IL17RA: variants seen among roughly 807,000 people sequenced by gnomAD.
IL17RA encodes interleukin 17 receptor A.
IL17RA carries 34 observed loss-of-function variants against 50.4 expected under a neutral mutation model. The ratio of observed to expected loss-of-function variants is 0.67; its 90% CI spans 0.51 to 0.90. IL17RA has a LOEUF of 0.90. IL17RA is among the 40% of genes least tolerant of loss of function. The pLI is 0.00. For missense variants in IL17RA, 1,276 were observed against 1,169.8 expected (o/e 1.09, Z -1.32); for synonymous variants, 585 against 510.4 (o/e 1.15, Z -1.97).
intron 1 of IL17RA, among the ~76,000 whole-genome samples, chr22:17,087,043 C>A (rs1009198087): frequency 1.3e-5 from 2 of 152,232 alleles, no homozygotes; most frequent in African/African-American, 4.8e-5. Context: ...TGTCTGCAGT[C>A]TCTCGTTCTC....
chr22:17,101,255 T>A (rs1039565794), intron 5 of IL17RA, among the ~76,000 whole-genome samples: 1 of 152,192 alleles, frequency 6.6e-6, no homozygotes, highest in African/African-American at 2.4e-5. Flanking sequence ...CCCATTTTTA[T>A]AATCTCCAGA....
At position 17,105,961 on chromosome 22, in the gene IL17RA, G is replaced by A. The variant is rs572837622; in HGVS notation, c.1045+7G>A. 66 of 1,611,796 alleles carry A rather than the reference G, an allele frequency of 4.1e-5. 1 individual carries two copies. In the Middle Eastern group the frequency reaches 6.3e-3, roughly 153 times the overall value. On this transcript the variant is annotated splice_region_variant and intron_variant, in intron 11 of 12. Transcript: ENST00000319363. Reference sequence around the variant, plus strand: ...ATGACCTGGAGGCTAGCTGGTAAGCGCTGGGGCTCTGGCTGTCCTGGAGTC... The same window carrying A: ...ATGACCTGGAGGCTAGCTGGTAAGCACTGGGGCTCTGGCTGTCCTGGAGTC...
At chr22:17,102,383 C>T in intron 7 of IL17RA, 81 bp downstream of exon 7, 11 of 1,507,430 alleles carry the variant, frequency 7.3e-6, no homozygotes, top group Non-Finnish European at 1.0e-5. Flanking sequence ...GCTGGTCTGA[C>T]AGAACCGCGT....
rs2061436060 is a variant in IL17RA at position 17,110,367 on chromosome 22, A to G, written c.*547A>G. ...AGAAAAATTAGCCGGGCATGGTGAC[A>G]CATGCCTGTAGTCCTAGCTACTTGG... On this transcript the variant is annotated 3_prime_UTR_variant, in exon 13 of 13. Transcript: ENST00000319363. 1 of 179,666 alleles carries G rather than the reference A, an allele frequency of 5.6e-6. No individual in the cohort carries two copies. Among genetic ancestry groups the G allele is most frequent in the East Asian group, 1.6e-4 (1 of 6,384 alleles). The allele number at this position is 179,666 out of a possible 1,614,324, so 11.1% of individuals were successfully genotyped here. A position where few individuals can be genotyped will look rare whatever the true frequency, so the allele number is the denominator to read the frequency against.
In IL17RA at chr22:17,102,050, G is replaced by C; in HGVS notation, c.598+7G>C. 1 of 1,614,236 alleles carries C rather than the reference G, an allele frequency of 6.2e-7. No homozygotes were observed. The highest frequency in any genetic ancestry group is 8.5e-7 in the Non-Finnish European group (1 of 1,180,044). Reference sequence around the variant, plus strand: ...ACGCCATGCATGAGCTCAGGTAACAGCTGGCCCGGGAGAGCTTTATTTGGA... The same window carrying C: ...ACGCCATGCATGAGCTCAGGTAACACCTGGCCCGGGAGAGCTTTATTTGGA... On this transcript the variant is annotated splice_region_variant and intron_variant, in intron 6 of 12. Coordinates refer to ENST00000319363, the MANE Select transcript of IL17RA (RefSeq NM_014339.7).
At chr22:17,101,145 C>T (rs2061389848) in intron 5 of IL17RA, among the ~76,000 whole-genome samples, 1 of 152,166 alleles carries the variant, frequency 6.6e-6, no homozygotes, top group African/African-American at 2.4e-5. Context: ...CCTCGAACTC[C>T]TGGGCTCATG....
chr22:17,109,251 G>A lies in IL17RA; in HGVS notation c.2032G>A (p.Val678Met). ...LVLAAEEGAL[V>M]AAVEPGPLAD... ...GCTCGCCGCAGAGGAGGGGGCCCTG[G>A]TGGCCGCGGTGGAGCCTGGGCCCCT... The change falls in exon 13 of 13, where the codon GTG becomes ATG. Residue 678 changes from valine (V) to methionine (M), a missense_variant. Transcript: ENST00000319363. 2 of 1,491,658 alleles carry A rather than the reference G, an allele frequency of 1.3e-6. No homozygotes were observed. The highest frequency in any genetic ancestry group is 1.8e-6 in the Non-Finnish European group (2 of 1,127,000). 92.4% of individuals were successfully genotyped at this position (1,491,658 alleles called of 1,614,324 possible).
chr22:17,108,535 G>A lies in IL17RA; in HGVS notation c.1316G>A (p.Ser439Asn), dbSNP rs2061423435. Residue 439 changes from serine to asparagine, a missense_variant, in exon 13 of 13, where the codon AGC becomes AAC. Transcript: ENST00000319363. ...CGTCAGAAGCAGGAGATGGTGGAGAGCAACTCTAAGATCATCGTCCTGTGC... is the reference window on the plus strand; with the variant it reads ...CGTCAGAAGCAGGAGATGGTGGAGAACAACTCTAAGATCATCGTCCTGTGC... ...VGRQKQEMVE[S>N]NSKIIVLCSR... 3 of 1,610,458 alleles carry A rather than the reference G, an allele frequency of 1.9e-6. No homozygotes were observed. The highest frequency in any genetic ancestry group is 2.5e-6 in the Non-Finnish European group (3 of 1,180,006).
At chr22:17,100,775 G>T (rs1392019400) in intron 5 of IL17RA, among the ~76,000 whole-genome samples, 1 of 152,196 alleles carries the variant, frequency 6.6e-6, no homozygotes, top group Non-Finnish European at 1.5e-5. Context: ...CACCCAGCCT[G>T]CCCAGAAAAT....
At chr22:17,094,666 T>TCTCTCTCTCTCTCC (rs2061359925) in intron 1 of IL17RA, among the ~76,000 whole-genome samples, 3 of 38,528 alleles carry the variant, frequency 7.8e-5, no homozygotes, top group African/African-American at 1.6e-4. Context: ...ACTCTCTCTC[T>TCTCTCTCTCTCTCC]CTCTCTCTCT....
Position 17,085,415 on chromosome 22 carries a change from T to A in IL17RA, c.138+186T>A, listed in dbSNP as rs1443115898. ...CGCCTGGGGAGGACCCTCGGAGCGG[T>A]GGGAGTTGCGGTGTGGAATACGGGG... is the stretch of plus-strand genomic sequence containing the variant. On this transcript the variant is annotated intron_variant, in intron 1 of 12. Transcript: ENST00000319363. 6.0e-6 allele frequency: 4 copies of A among 668,408 alleles called. No homozygotes were observed. In the East Asian group the frequency reaches 5.7e-4, roughly 95 times the overall value. The allele number at this position is 668,408 out of a possible 1,614,324, so 41.4% of individuals were successfully genotyped here.
At chr22:17,085,574 G>T (rs2061324491) in intron 1 of IL17RA, among the ~76,000 whole-genome samples, 3 of 152,286 alleles carry the variant, frequency 2.0e-5, no homozygotes, top group Middle Eastern at 6.8e-3. Flanking sequence ...GGCCGGAGGG[G>T]CGGCCAGGGC....
In IL17RA at chr22:17,104,803, C is replaced by G; in HGVS notation, c.924C>G (p.Asp308Glu). The G allele has an allele frequency of 6.2e-7, 1 of 1,614,112 alleles. No homozygotes were observed. Among genetic ancestry groups the G allele is most frequent in the East Asian group, 2.2e-5 (1 of 44,884 alleles). The change falls in exon 9 of 13, where the codon GAC becomes GAG. Residue 308 changes from aspartate to glutamate, a missense_variant. Asp to Glu is a conservative substitution (Grantham distance 45). Coordinates refer to ENST00000319363, the MANE Select transcript of IL17RA (RefSeq NM_014339.7). ...CTGTTTCCTGCCCAGAAATGCCAGA[C>G]ACTCCAGGTAGGGGACATGCGGCTG... is the stretch of plus-strand genomic sequence containing the variant. ...SATVSCPEMP[D>E]TPEPIPDYMP...
rs1296803697 is a variant in IL17RA, at chr22:17,114,176, C to T, written c.*4356C>T. The stretch of plus-strand genomic sequence containing the variant: ...TGAAGAAAAGCAGCTACCCCTAAAC[C>T]CATTGCACAAGCTGTTCATGTTAAT... On this transcript the variant is annotated 3_prime_UTR_variant, in exon 13 of 13. Coordinates refer to ENST00000319363, the MANE Select transcript of IL17RA (RefSeq NM_014339.7). 2 of 152,156 alleles carry T rather than the reference C, an allele frequency of 1.3e-5. No individual in the cohort carries two copies. The highest frequency in any genetic ancestry group is 4.8e-5 in the African/African-American group (2 of 41,414). The allele number at this position is 152,156 out of a possible 1,614,324, so 9.4% of individuals were successfully genotyped here. A position where few individuals can be genotyped will look rare whatever the true frequency, so the allele number is the denominator to read the frequency against.
chr22:17,086,301 G>A (rs2061327623), intron 1 of IL17RA, among the ~76,000 whole-genome samples: 1 of 151,952 alleles, frequency 6.6e-6, no homozygotes, highest in Non-Finnish European at 1.5e-5. Flanking sequence ...TAAAACAAAG[G>A]GATATTTCTC....
rs1206113000 is a variant in IL17RA at position 17,105,579 on chromosome 22, T to C, written c.932-12T>C. 6.2e-6 allele frequency: 10 copies of C among 1,612,482 alleles called. No individual in the cohort carries two copies. The highest frequency in any genetic ancestry group is 8.5e-6 in the Non-Finnish European group (10 of 1,178,576). On this transcript the variant is annotated splice_polypyrimidine_tract_variant and intron_variant, in intron 9 of 12. Transcript: ENST00000319363. ...AATGCTATTTTCCCTTTTTCCTCTG[T>C]TCTCATTGCAGAACCAATTCCGGGT...
chr22:17,087,422 G>A (rs191705535), intron 1 of IL17RA, among the ~76,000 whole-genome samples: 34 of 152,374 alleles, frequency 2.2e-4, no homozygotes, highest in African/African-American at 7.9e-4. Flanking sequence ...GTTCGATTTA[G>A]CCTTCCATAA....
rs955849429 is a variant in IL17RA at position 17,111,175 on chromosome 22, A to G, written c.*1355A>G. ...CACCTTTCGTCTGATGAGCCTCTGC[A>G]TGGAGAGAGGCTGAGGGCTAAACAC... On this transcript the variant is annotated 3_prime_UTR_variant, in exon 13 of 13. Transcript: ENST00000319363. 1 of 152,246 alleles carries G rather than the reference A, an allele frequency of 6.6e-6. No individual in the cohort carries two copies. The highest frequency in any genetic ancestry group is 2.4e-5 in the African/African-American group (1 of 41,440). 9.4% of individuals were successfully genotyped at this position (152,246 alleles called of 1,614,324 possible). A position where few individuals can be genotyped will look rare whatever the true frequency, so the allele number is the denominator to read the frequency against.
chr22:17,100,241 G>T (rs1293258734), intron 4 of IL17RA, 114 bp from the exon 5 acceptor site: 1 of 1,312,484 alleles, frequency 7.6e-7, no homozygotes, highest in Non-Finnish European at 1.1e-6. Context: ...TTGTTGCTTT[G>T]TTCTTATTTT....
Sources: gnomAD v4.1 joint callset for allele counts (sites outside exome capture counted in the v4.1 genomes callset) on GRCh38, gnomAD v4.1.1 for gene constraint, MANE v1.5 for transcripts, NCBI Gene and HGNC (gene_info 2026-07-23, HGNC 2026-07-21) for gene names.